The following HCN2 variants were observed in gnomAD, a reference collection of about 807,000 sequenced individuals.
HCN2 encodes the protein potassium/sodium hyperpolarization-activated cyclic nucleotide-gated channel 2.
Under a neutral mutation model 52.3 loss-of-function variants are expected in HCN2, and 20 were observed. That is an observed-to-expected ratio of 0.38 (90% CI 0.27 to 0.56). The LOEUF is 0.56. Among genes scored for constraint, HCN2 ranks in the 20% least tolerant of loss-of-function variants. The probability of loss-of-function intolerance (pLI) is 0.71; values close to 1 mark genes in which losing one functional copy is unlikely to be tolerated. For synonymous variants in HCN2, 694 were observed against 537.0 expected (o/e 1.29, Z -4.04); for missense variants, 981 against 1,207.7 (o/e 0.81, Z 2.78).
intron 5 of HCN2, 122 bp downstream of exon 5, chr19:610,527 G>C (rs556600518): frequency 8.4e-6 from 7 of 834,264 alleles, no homozygotes; most frequent in Non-Finnish European, 1.4e-5. Context: ...GGAGGGACTC[G>C]AGCTAGACCT....
At chr19:611,586 A>G (rs551055367) in intron 5 of HCN2, among the ~76,000 whole-genome samples, 3 of 152,320 alleles carry the variant, frequency 2.0e-5, no homozygotes, top group Non-Finnish European at 4.4e-5. Context: ...TTCGCCAAGA[A>G]TGTTTAATTG....
chr19:599,724 C>G (rs982490453), intron 1 of HCN2, among the ~76,000 whole-genome samples: 1 of 151,970 alleles, frequency 6.6e-6, no homozygotes, highest in African/African-American at 2.4e-5. Flanking sequence ...GGAGGCGGAG[C>G]TTGCAGTGAG....
At chr19:605,801 G>A (rs1055234635) in intron 3 of HCN2, among the ~76,000 whole-genome samples, 2 of 150,492 alleles carry the variant, frequency 1.3e-5, no homozygotes, top group African/African-American at 5.0e-5. Context: ...TTACAGAGGC[G>A]GGGACCCAGG....
chr19:602,100 C>G (rs1983220875), intron 1 of HCN2, among the ~76,000 whole-genome samples: 1 of 124,118 alleles, frequency 8.1e-6, no homozygotes. Flanking sequence ...CCACTTCCTC[C>G]CCTCTCCTCC....
At chr19:598,933 TC>T (rs1204720551) in intron 1 of HCN2, among the ~76,000 whole-genome samples, 4 of 152,102 alleles carry the variant, frequency 2.6e-5, no homozygotes, top group Non-Finnish European at 5.9e-5. Context: ...CTAGGTTTTA[TC>T]CCCAGCCTGG....
intron 1 of HCN2, among the ~76,000 whole-genome samples, chr19:601,171 G>A (rs1983189943): frequency 6.6e-6 from 1 of 152,228 alleles, no homozygotes; most frequent in Admixed American, 6.5e-5. Flanking sequence ...AAATGAGCCA[G>A]GAGTGGTGGC....
Position 613,241 on chromosome 19 carries a change from C to G in HCN2, c.1585-7C>G, listed in dbSNP as rs375139109. ...GCAGCGGACCCAGCCCTGCCTCCCC[C>G]CTGCAGGAGATCGTCAACTTCAACT... On this transcript the variant is annotated splice_polypyrimidine_tract_variant and splice_region_variant and intron_variant, in intron 5 of 7. Coordinates refer to ENST00000251287, the MANE Select transcript of HCN2 (RefSeq NM_001194.4). 55 of 1,609,046 alleles carry G rather than the reference C, an allele frequency of 3.4e-5. No homozygotes were observed. Among genetic ancestry groups the G allele is most frequent in the African/African-American group, 1.1e-4 (8 of 74,816 alleles).
rs1982883765 is a variant in HCN2 at position 591,861 on chromosome 19, C to T, written c.632+1284C>T. Among the ~76,000 whole-genome samples, 1 of 152,180 alleles carries T rather than the reference C, an allele frequency of 6.6e-6. No homozygotes were observed. Among genetic ancestry groups the T allele is most frequent in the Admixed American group, 6.5e-5 (1 of 15,292 alleles). On this transcript the variant is annotated intron_variant, in intron 1 of 7. Coordinates refer to ENST00000251287, the MANE Select transcript of HCN2 (RefSeq NM_001194.4). The surrounding 1 kb of genome is among the most constrained non-coding windows in gnomAD (Gnocchi z 4.1). ...TAGTGCTTGACTGGAGAAACTGAGGCCTGGGGCACATGCGTCCTGGACAGA... is the reference window on the plus strand; with the variant it reads ...TAGTGCTTGACTGGAGAAACTGAGGTCTGGGGCACATGCGTCCTGGACAGA...
chr19:598,654 T>C (rs1196590595), intron 1 of HCN2, among the ~76,000 whole-genome samples: 1 of 152,150 alleles, frequency 6.6e-6, no homozygotes, highest in Non-Finnish European at 1.5e-5. Context: ...CAGGCTGGAG[T>C]GCGATGGCGC....
At chr19:611,604 T>C (rs1305616285) in intron 5 of HCN2, among the ~76,000 whole-genome samples, 1 of 152,238 alleles carries the variant, frequency 6.6e-6, no homozygotes, top group Admixed American at 6.5e-5. Flanking sequence ...TTGCATTTGA[T>C]GACTACGGTT....
chr19:609,835 G>C (rs1382973171), intron 4 of HCN2, among the ~76,000 whole-genome samples: 1 of 152,204 alleles, frequency 6.6e-6, no homozygotes, highest in Non-Finnish European at 1.5e-5. Context: ...CATAGGCGGA[G>C]GCTGCAGTGA....
At chr19:613,215 C>T (rs748547588) in intron 5 of HCN2, 33 bp from the exon 6 acceptor site, 22 of 1,582,384 alleles carry the variant, frequency 1.4e-5, no homozygotes, top group South Asian at 2.3e-5. Flanking sequence ...GAGTGGGGTC[C>T]GCAGCGGACC....
At position 590,511 on chromosome 19, in the gene HCN2, T is replaced by C; in HGVS notation, c.566T>C (p.Val189Ala). Residue 189 changes from valine to alanine, a missense_variant, in exon 1 of 8, where the codon GTG (valine) becomes GCG (alanine). Physicochemically the swap from Val to Ala is moderately conservative, Grantham distance 64 (BLOSUM62 0). Transcript: ENST00000251287. This position sits in a 1 kb window ranked among gnomAD's most constrained non-coding sequence, Gnocchi z 7.2. ...CGGATGTTCGGCAGCCAGAAGGCCG[T>C]GGAGCGCGAGCAGGAGCGCGTCAAG... is the stretch of plus-strand genomic sequence containing the variant. Reference protein sequence around the residue: ...SLRMFGSQKAVEREQERVKSA... With the variant: ...SLRMFGSQKAAEREQERVKSA... The C allele has an allele frequency of 6.6e-7, 1 of 1,521,212 alleles. No homozygotes were observed. The highest frequency in any genetic ancestry group is 8.9e-7 in the Non-Finnish European group (1 of 1,129,162). The allele number at this position is 1,521,212 out of a possible 1,614,324, so 94.2% of individuals were successfully genotyped here.
In HCN2 at chr19:616,406, T is replaced by A. The variant is rs1178638097; in HGVS notation, c.2602T>A (p.Ser868Thr). 1 of 1,235,692 alleles carries A rather than the reference T, an allele frequency of 8.1e-7. No homozygotes were observed. The highest frequency in any genetic ancestry group is 1.0e-6 in the Non-Finnish European group (1 of 986,474). 76.5% of individuals were successfully genotyped at this position (1,235,692 alleles called of 1,614,324 possible). ...APSPDRRDSA[S>T]PGAAGGLDPQ... Reference sequence around the variant, plus strand: ...CAGCCCGGACCGCAGGGACTCGGCCTCACCCGGCGCCGCCGGCGGCCTGGA... The same window carrying A: ...CAGCCCGGACCGCAGGGACTCGGCCACACCCGGCGCCGCCGGCGGCCTGGA... The change falls in exon 8 of 8, where the codon TCA becomes ACA. Residue 868 changes from serine (S) to threonine (T), a missense_variant. Ser to Thr is a moderately conservative substitution (Grantham distance 58, BLOSUM62 1). Transcript: ENST00000251287.
At position 592,347 on chromosome 19, in the gene HCN2, G is replaced by T. The variant is rs1337952004; in HGVS notation, c.632+1770G>T. On this transcript the variant is annotated intron_variant, in intron 1 of 7. Coordinates refer to ENST00000251287, the MANE Select transcript of HCN2 (RefSeq NM_001194.4). The surrounding 1 kb of genome is among the most constrained non-coding windows in gnomAD (Gnocchi z 4.8). ...CAGCTCCAGCGACCCCCTGGCTGCA[G>T]AGGGGCGGTCGGTGGCCTGGGGGGC... Among the ~76,000 whole-genome samples, 1 of 152,250 alleles carries T rather than the reference G, an allele frequency of 6.6e-6. No homozygotes were observed. The highest frequency in any genetic ancestry group is 2.4e-5 in the African/African-American group (1 of 41,464).
At chr19:600,111 C>T (rs1055199397) in intron 1 of HCN2, among the ~76,000 whole-genome samples, 1 of 152,136 alleles carries the variant, frequency 6.6e-6, no homozygotes, top group East Asian at 1.9e-4. Context: ...GGGCTCAGAC[C>T]CCAGTCTGGA....
At chr19:608,253 A>T (rs1464474163) in intron 4 of HCN2, 71 bp downstream of exon 4, 2 of 1,399,906 alleles carry the variant, frequency 1.4e-6, no homozygotes, top group Non-Finnish European at 2.0e-6. Context: ...TCTGAGAGAG[A>T]GTCAGGCCAG....
Position 590,045 on chromosome 19 carries a change from C to A in HCN2, c.100C>A (p.Gln34Lys). 1 of 628,234 alleles carries A rather than the reference C, an allele frequency of 1.6e-6. No homozygotes were observed. The highest frequency in any genetic ancestry group is 1.9e-6 in the Non-Finnish European group (1 of 514,072). The allele number at this position is 628,234 out of a possible 1,614,324, so 38.9% of individuals were successfully genotyped here. ...GCCGCCGCCCGCGCCCCCCCAACAGCAGCCGCCGCCGCCGCCGCCGCCCGC... is the reference window on the plus strand; with the variant it reads ...GCCGCCGCCCGCGCCCCCCCAACAGAAGCCGCCGCCGCCGCCGCCGCCCGC... ...PPPPPAPPQQ[Q>K]PPPPPPPAPP... The change falls in exon 1 of 8, where the codon CAG becomes AAG. Residue 34 changes from glutamine to lysine, a missense_variant. Around this residue, in one of 6 missense-constraint regions of HCN2, gnomAD observed 215 missense variants for 179.4 expected, o/e 1.20. Transcript: ENST00000251287. The surrounding 1 kb of genome is among the most constrained non-coding windows in gnomAD (Gnocchi z 7.2).
chr19:604,829 G>A (rs1268789139), intron 2 of HCN2, among the ~76,000 whole-genome samples: 3 of 72,312 alleles, frequency 4.1e-5, no homozygotes, highest in Non-Finnish European at 8.1e-5. Context: ...GGATTTGGGG[G>A]GGTCCTGCAG....
Sources: gnomAD v4.1 joint callset for allele counts (sites outside exome capture counted in the v4.1 genomes callset) on GRCh38, gnomAD v4.1.1 for gene constraint, gnomAD v4.1.1 regional missense constraint, Gnocchi (gnomAD v3.1) non-coding constraint, MANE v1.5 for transcripts, NCBI Gene and HGNC (gene_info 2026-07-23, HGNC 2026-07-21) for gene names.